The following CSMD1 variants were observed in gnomAD, a reference collection of about 807,000 sequenced individuals.
The protein encoded by CSMD1 is CUB and sushi domain-containing protein 1.
Under a neutral mutation model 417.5 loss-of-function variants are expected in CSMD1, and 213 were observed. The ratio of observed to expected loss-of-function variants is 0.51; its 90% CI spans 0.46 to 0.57. The LOEUF (loss-of-function observed/expected upper bound fraction) is 0.57. Ranked by LOEUF, CSMD1 falls within the 20% of genes least tolerant of loss-of-function variation. CSMD1 has a pLI of 0.00. For missense variants in CSMD1, 6,923 were observed against 4,529.7 expected (o/e 1.53, Z -15.17); for synonymous variants, 2,862 against 1,736.8 (o/e 1.65, Z -16.11).
chr8:4,652,915 G>A lies in CSMD1; in HGVS notation c.86-15357C>T, dbSNP rs187105925. On this transcript the variant is annotated intron_variant, in intron 1 of 69. Transcript: ENST00000635120. Reference sequence around the variant, plus strand: ...CTAACGCCGCTGCTGATGTGGTGGGGTGGAGTTCAGGTGGTAATGTGAGTG... The same window carrying A: ...CTAACGCCGCTGCTGATGTGGTGGGATGGAGTTCAGGTGGTAATGTGAGTG... Among the ~76,000 whole-genome samples the A allele has an allele frequency of 3.0e-4, 46 of 151,552 alleles. 1 individual carries two copies. Among genetic ancestry groups the A allele is most frequent in the African/African-American group, 1.1e-3 (43 of 40,872 alleles).
rs116908722 is a variant in CSMD1, at chr8:4,602,305, G to C, written c.302+35037C>G. Among the ~76,000 whole-genome samples the C allele has an allele frequency of 1.2e-3, 190 of 152,224 alleles. 1 individual carries two copies. The East Asian group carries it at 0.033, about 26-fold the overall frequency. On this transcript the variant is annotated intron_variant, in intron 2 of 69. Transcript: ENST00000635120. ...AAGAAAGGGGCCCTGCACAAATAAG[G>C]CACTTCAGAGGTCCGAAGCCAAACC...
At chr8:3,995,687 T>G (rs1288787632) in intron 5 of CSMD1, among the ~76,000 whole-genome samples, 4 of 152,180 alleles carry the variant, frequency 2.6e-5, no homozygotes, top group Admixed American at 1.3e-4. Flanking sequence ...GAGACAATAG[T>G]AGACAATAGT....
chr8:3,690,870 T>C (rs1354368306), intron 7 of CSMD1, among the ~76,000 whole-genome samples: 1 of 152,154 alleles, frequency 6.6e-6, no homozygotes, highest in Non-Finnish European at 1.5e-5. Context: ...CCAAATACAT[T>C]GATTTCATTT....
chr8:4,202,706 T>C (rs892232229), intron 3 of CSMD1, among the ~76,000 whole-genome samples: 5 of 152,168 alleles, frequency 3.3e-5, no homozygotes, highest in African/African-American at 1.2e-4. Context: ...ACCACACTAA[T>C]CAAACAAGTA....
intron 5 of CSMD1, among the ~76,000 whole-genome samples, chr8:3,900,950 T>A (rs10092638): frequency 6.6e-6 from 1 of 152,116 alleles, no homozygotes; most frequent in African/African-American, 2.4e-5. Flanking sequence ...AGAAGGTCTA[T>A]AAAGGACAGA....
chr8:3,984,219 C>T (rs1036006838), intron 5 of CSMD1, among the ~76,000 whole-genome samples: 3 of 138,000 alleles, frequency 2.2e-5, no homozygotes, highest in Non-Finnish European at 4.8e-5. Flanking sequence ...GCCACCTGCA[C>T]AGTGAAGCCA....
intron 5 of CSMD1, among the ~76,000 whole-genome samples, chr8:3,931,982 G>T (rs534227857): frequency 1.3e-5 from 2 of 149,662 alleles, no homozygotes; most frequent in Non-Finnish European, 3.0e-5. Context: ...AAATAGTATT[G>T]ATTTAGATGT....
intron 7 of CSMD1, among the ~76,000 whole-genome samples, chr8:3,617,877 T>C: frequency 6.6e-6 from 1 of 152,212 alleles, no homozygotes; most frequent in Admixed American, 6.5e-5. Flanking sequence ...CATATAAATA[T>C]ACATTTTCTC....
At chr8:4,595,346 A>C (rs1395444743) in intron 2 of CSMD1, among the ~76,000 whole-genome samples, 1 of 57,816 alleles carries the variant, frequency 1.7e-5, no homozygotes, top group African/African-American at 3.9e-5. Flanking sequence ...CGATTCAACA[A>C]TTTATCTGTT....
intron 52 of CSMD1, among the ~76,000 whole-genome samples, chr8:3,004,014 T>C (rs1217835247): frequency 6.6e-6 from 1 of 152,188 alleles, no homozygotes; most frequent in African/African-American, 2.4e-5. Flanking sequence ...CTGCCACTAT[T>C]TGAAGATAGT....
At chr8:3,173,549 G>A (rs1432387147) in intron 37 of CSMD1, among the ~76,000 whole-genome samples, 3 of 152,180 alleles carry the variant, frequency 2.0e-5, no homozygotes, top group Non-Finnish European at 2.9e-5. Flanking sequence ...ATCTTATGGA[G>A]TAATTAATGT....
chr8:3,031,397 T>C (rs1293149022), intron 50 of CSMD1, among the ~76,000 whole-genome samples: 1 of 151,894 alleles, frequency 6.6e-6, no homozygotes, highest in East Asian at 1.9e-4. Flanking sequence ...CACACCAGCA[T>C]GGCACATGTA....
At chr8:3,190,217 G>C (rs1197702040) in intron 33 of CSMD1, 102 bp from the exon 34 acceptor site, 22 of 794,044 alleles carry the variant, frequency 2.8e-5, no homozygotes, top group Non-Finnish European at 4.0e-5. Flanking sequence ...AGCTGATGCA[G>C]ACAGAGAATT....
chr8:3,487,681 T>C (rs181506129), intron 11 of CSMD1, among the ~76,000 whole-genome samples: 2 of 152,308 alleles, frequency 1.3e-5, no homozygotes, highest in Admixed American at 1.3e-4. Context: ...TCAAAGGAGG[T>C]GCCTACAAAC....
chr8:4,342,363 T>C (rs1800528647), intron 3 of CSMD1, among the ~76,000 whole-genome samples: 1 of 152,138 alleles, frequency 6.6e-6, no homozygotes, highest in Non-Finnish European at 1.5e-5. Context: ...GTATACATTC[T>C]ACAGCTATCA....
chr8:4,548,433 T>C (rs7818189), intron 2 of CSMD1, among the ~76,000 whole-genome samples: 106,897 of 151,994 alleles, frequency 0.7, 37,753 homozygotes, highest in Admixed American at 0.76. Context: ...ATAACATTCC[T>C]GACTTTCATA....
At chr8:3,083,649 T>TATATATATATATA (rs58461366) in intron 49 of CSMD1, among the ~76,000 whole-genome samples, 10 of 11,196 alleles carry the variant, frequency 8.9e-4, no homozygotes, top group Admixed American at 3.5e-3. Flanking sequence ...TATATATATA[T>TATATATATATATA]TTTTTTTTTT....
chr8:4,407,916 C>T (rs1343391215), intron 3 of CSMD1, among the ~76,000 whole-genome samples: 4 of 152,224 alleles, frequency 2.6e-5, no homozygotes, highest in Non-Finnish European at 2.9e-5. Context: ...AAAGCTGAAA[C>T]GTGTTCAGCA....
At chr8:4,523,653 G>C (rs1803609492) in intron 2 of CSMD1, among the ~76,000 whole-genome samples, 1 of 152,030 alleles carries the variant, frequency 6.6e-6, no homozygotes, top group Non-Finnish European at 1.5e-5. Flanking sequence ...GGGCCTGAAG[G>C]CAACTCTAAT....
Sources: gnomAD v4.1 joint callset for allele counts (sites outside exome capture counted in the v4.1 genomes callset) on GRCh38, gnomAD v4.1.1 for gene constraint, MANE v1.5 for transcripts, NCBI Gene and HGNC (gene_info 2026-07-23, HGNC 2026-07-21) for gene names.